Variants in SP140L observed in about 807,000 individuals in gnomAD.
SP140L encodes the protein SP140 like nuclear body protein, also known as nuclear body protein SP140-like protein.
A neutral mutation model predicts 84.3 loss-of-function variants in SP140L; 64 were observed. The ratio of observed to expected loss-of-function variants is 0.76; its 90% CI spans 0.62 to 0.94. SP140L has a LOEUF of 0.94. Among genes scored for constraint, SP140L ranks in the 40% least tolerant of loss-of-function variants. SP140L has a pLI of 0.00. For synonymous variants in SP140L, 242 were observed against 236.9 expected, an observed-to-expected ratio of 1.02 and a Z score of -0.20; for missense variants, 628 against 692.5, an observed-to-expected ratio of 0.91 and a Z score of 1.05.
intron 5 of SP140L, among the ~76,000 whole-genome samples, chr2:230,365,842 G>T (rs957234457): frequency 6.6e-6 from 1 of 151,772 alleles, no homozygotes; most frequent in African/African-American, 2.4e-5. Context: ...ATTTTCATTT[G>T]TCTCAATATT....
intron 7 of SP140L, among the ~76,000 whole-genome samples, chr2:230,381,846 A>G (rs2061419506): frequency 6.6e-6 from 1 of 152,190 alleles, no homozygotes; most frequent in Non-Finnish European, 1.5e-5. Flanking sequence ...TATGTGAGGC[A>G]AGCAAGTTAA....
chr2:230,387,435 G>A (rs1014450010), intron 9 of SP140L, among the ~76,000 whole-genome samples: 1 of 152,152 alleles, frequency 6.6e-6, no homozygotes, highest in Non-Finnish European at 1.5e-5. Flanking sequence ...GTCAGTAACT[G>A]TGTAGTCTAA....
At chr2:230,346,689 G>C (rs1160313242) in intron 2 of SP140L, among the ~76,000 whole-genome samples, 1 of 151,974 alleles carries the variant, frequency 6.6e-6, no homozygotes, top group Non-Finnish European at 1.5e-5. Flanking sequence ...AAATTGTTCA[G>C]TTCAGTCATT....
chr2:230,351,416 T>G (rs1041938992), intron 2 of SP140L, among the ~76,000 whole-genome samples: 2 of 149,118 alleles, frequency 1.3e-5, no homozygotes, highest in African/African-American at 4.9e-5. Flanking sequence ...AGGTCCATGT[T>G]GGAGGGATTG....
intron 2 of SP140L, among the ~76,000 whole-genome samples, chr2:230,330,160 G>T (rs1467084858): frequency 6.6e-6 from 1 of 152,046 alleles, no homozygotes; most frequent in Non-Finnish European, 1.5e-5. Flanking sequence ...GAGAGTCATG[G>T]TTTTTTTCAA....
intron 2 of SP140L, among the ~76,000 whole-genome samples, chr2:230,332,887 A>T (rs1307922800): frequency 6.6e-6 from 1 of 152,182 alleles, no homozygotes; most frequent in Admixed American, 6.5e-5. Context: ...CTGAAGCTAG[A>T]CATCTCTCCT....
intron 15 of SP140L, 73 bp downstream of exon 15, chr2:230,400,315 A>AC: frequency 1.4e-6 from 2 of 1,458,380 alleles, no homozygotes; most frequent in African/African-American, 1.4e-5. Context: ...TCTCCAGCAG[A>AC]ATGTCTGCTT....
At chr2:230,386,224 C>T (rs189725146) in intron 9 of SP140L, among the ~76,000 whole-genome samples, 21 of 152,200 alleles carry the variant, frequency 1.4e-4, no homozygotes, top group Admixed American at 3.3e-4. Context: ...TCCTAGGATG[C>T]GGGTGCTTGG....
chr2:230,371,443 C>T (rs1309220668), intron 6 of SP140L, among the ~76,000 whole-genome samples, 155 bp from the exon 7 acceptor site: 1 of 152,190 alleles, frequency 6.6e-6, no homozygotes, highest in Non-Finnish European at 1.5e-5. Context: ...TCCTAGTTCT[C>T]AGTTCAGTGG....
chr2:230,393,651 G>A (rs1195758078), intron 13 of SP140L, among the ~76,000 whole-genome samples, 190 bp downstream of exon 13: 2 of 152,062 alleles, frequency 1.3e-5, no homozygotes, highest in African/African-American at 2.4e-5. Context: ...TATAAAGCTA[G>A]GTCCTCTTTG....
chr2:230,358,100 G>A lies in SP140L; in HGVS notation c.270+133G>A, dbSNP rs2060604927. The A allele has an allele frequency of 6.5e-6, 7 of 1,069,632 alleles. No individual in the cohort carries two copies. The East Asian group carries it at 1.7e-4, about 26-fold the overall frequency. The allele number at this position is 1,069,632 out of a possible 1,614,324, so 66.3% of individuals were successfully genotyped here. A position where few individuals can be genotyped will look rare whatever the true frequency, so the allele number is the denominator to read the frequency against. On this transcript the variant is annotated intron_variant, in intron 3 of 18. Coordinates refer to ENST00000415673, the MANE Select transcript of SP140L (RefSeq NM_138402.6). ...AGAGATGGTCCTACTTCCAGCTGAG[G>A]AAATGGTGTTCCATGGCACCCTCTG...
At chr2:230,347,569 G>A (rs919887742) in intron 2 of SP140L, among the ~76,000 whole-genome samples, 13 of 152,072 alleles carry the variant, frequency 8.5e-5, no homozygotes, top group South Asian at 2.1e-4. Flanking sequence ...CATGCAGGTC[G>A]CTGGCTGGCC....
chr2:230,361,156 G>A (rs1048356369), intron 4 of SP140L, among the ~76,000 whole-genome samples: 1 of 152,038 alleles, frequency 6.6e-6, no homozygotes, highest in African/African-American at 2.4e-5. Context: ...CTTGCTATGT[G>A]GTCTAGGCTG....
intron 9 of SP140L, among the ~76,000 whole-genome samples, chr2:230,386,037 G>A (rs941350489): frequency 8.5e-5 from 13 of 152,108 alleles, no homozygotes; most frequent in Admixed American, 6.6e-4. Context: ...TTTCTTCCGT[G>A]AGATGCTTTC....
chr2:230,367,425 T>A (rs780782020), intron 5 of SP140L, among the ~76,000 whole-genome samples: 3 of 151,782 alleles, frequency 2.0e-5, no homozygotes, highest in Non-Finnish European at 4.4e-5. Context: ...TCCAAGTAGC[T>A]GAGACCACAG....
At chr2:230,397,566 C>T (rs76743059) in intron 14 of SP140L, among the ~76,000 whole-genome samples, 4,681 of 152,242 alleles carry the variant, frequency 0.031, 126 homozygotes, top group Middle Eastern at 0.051. Flanking sequence ...TGGATGAGTT[C>T]TTTCTTTAAA....
intron 7 of SP140L, among the ~76,000 whole-genome samples, chr2:230,382,836 G>C (rs2061453013): frequency 1.3e-5 from 2 of 152,206 alleles, no homozygotes; most frequent in African/African-American, 2.4e-5. Flanking sequence ...GTGCAGACAG[G>C]AGGAGATGAG....
chr2:230,332,236 T>G (rs1173981307), intron 2 of SP140L, among the ~76,000 whole-genome samples: 1 of 152,200 alleles, frequency 6.6e-6, no homozygotes, highest in Non-Finnish European at 1.5e-5. Context: ...TTTTGATAAT[T>G]TTTCCAAAGT....
At chr2:230,385,433 A>C in intron 9 of SP140L, 129 bp downstream of exon 9, 1 of 763,314 alleles carries the variant, frequency 1.3e-6, no homozygotes, top group South Asian at 1.9e-5. Context: ...GAAATCTAAA[A>C]AACAGCAAAC....
Sources: allele counts gnomAD v4.1 joint callset (sites outside exome capture counted in the v4.1 genomes callset), GRCh38; gene constraint gnomAD v4.1.1; transcripts MANE v1.5; gene names NCBI Gene and HGNC (gene_info 2026-07-23, HGNC 2026-07-21).